MAPKAP1: variants seen among roughly 807,000 people sequenced by gnomAD.
MAPKAP1 encodes the protein MAPK associated protein 1, also known as target of rapamycin complex 2 subunit MAPKAP1.
MAPKAP1 carries 20 observed loss-of-function variants against 65.7 expected under a neutral mutation model. The observed-to-expected ratio is 0.30, with a 90% CI of 0.21 to 0.44. The LOEUF (loss-of-function observed/expected upper bound fraction) is 0.44. Among genes scored for constraint, MAPKAP1 ranks in the 20% least tolerant of loss-of-function variants. MAPKAP1 has a pLI of 1.00. For synonymous variants in MAPKAP1, 222 were observed against 244.3 expected, an observed-to-expected ratio of 0.91 and a Z score of 0.85; for missense variants, 423 against 648.0, an observed-to-expected ratio of 0.65 and a Z score of 3.77.
intron 4 of MAPKAP1, among the ~76,000 whole-genome samples, 178 bp from the exon 5 acceptor site, chr9:125,585,905 A>G (rs912711919): frequency 6.6e-6 from 1 of 152,112 alleles, no homozygotes; most frequent in African/African-American, 2.4e-5. Context: ...TTTTCCTTAA[A>G]TTTTCATTTT....
intron 5 of MAPKAP1, among the ~76,000 whole-genome samples, chr9:125,578,710 C>T (rs940961655): frequency 1.3e-5 from 2 of 152,134 alleles, no homozygotes; most frequent in Non-Finnish European, 2.9e-5. Flanking sequence ...ACACATGAAT[C>T]TTTATGTGAA....
intron 1 of MAPKAP1, among the ~76,000 whole-genome samples, chr9:125,685,420 C>G (rs1348397917): frequency 6.6e-6 from 1 of 152,136 alleles, no homozygotes. Context: ...CAAGGAGCAG[C>G]AAGGAGTCCG....
intron 9 of MAPKAP1, among the ~76,000 whole-genome samples, chr9:125,483,998 T>C (rs1564526960): frequency 6.6e-6 from 1 of 152,140 alleles, no homozygotes; most frequent in Non-Finnish European, 1.5e-5. Context: ...CAAATATGAG[T>C]TGAAAGTTCC....
In MAPKAP1 at chr9:125,693,512, C is replaced by T. The variant is rs147130948; in HGVS notation, c.-70+13459G>A. 4.9e-3 allele frequency among the ~76,000 whole-genome samples: 654 copies of T among 133,776 alleles called. 4 individuals carry two copies. Among genetic ancestry groups the T allele is most frequent in the African/African-American group, 0.01 (355 of 34,358 alleles). 87.8% of individuals were successfully genotyped at this position (133,776 alleles called of 152,430 possible). A position where few individuals can be genotyped will look rare whatever the true frequency, so the allele number is the denominator to read the frequency against. ...ATATATACACACATATATACACATA[C>T]ACACACATATATACACATATACACA... On this transcript the variant is annotated intron_variant, in intron 1 of 11. Coordinates refer to ENST00000265960, the MANE Select transcript of MAPKAP1 (RefSeq NM_001006617.3).
At chr9:125,634,258 A>C (rs1833364604) in intron 4 of MAPKAP1, among the ~76,000 whole-genome samples, 1 of 152,328 alleles carries the variant, frequency 6.6e-6, no homozygotes, top group African/African-American at 2.4e-5. Context: ...GGTTTGAGAA[A>C]ACAAGGCTTT....
At chr9:125,698,583 C>G (rs1256020416) in intron 1 of MAPKAP1, among the ~76,000 whole-genome samples, 1 of 151,620 alleles carries the variant, frequency 6.6e-6, no homozygotes, top group African/African-American at 2.4e-5. Context: ...CTCAGGTGAT[C>G]CACCTGCCTC....
At chr9:125,521,933 CA>C (rs1237362084) in intron 7 of MAPKAP1, among the ~76,000 whole-genome samples, 1 of 152,254 alleles carries the variant, frequency 6.6e-6, no homozygotes, top group African/African-American at 2.4e-5. Context: ...TGAAGACTTT[CA>C]TTCAAATCTG....
intron 9 of MAPKAP1, among the ~76,000 whole-genome samples, chr9:125,477,701 A>G (rs1022804666): frequency 7.9e-5 from 12 of 152,162 alleles, no homozygotes; most frequent in Admixed American, 5.2e-4. Flanking sequence ...TATTGATAAT[A>G]TACTGTGGGT....
At chr9:125,534,981 T>G (rs372691223) in intron 7 of MAPKAP1, among the ~76,000 whole-genome samples, 1 of 152,134 alleles carries the variant, frequency 6.6e-6, no homozygotes, top group East Asian at 1.9e-4. Context: ...TGCTTGAGAG[T>G]AGGAACGATT....
intron 7 of MAPKAP1, among the ~76,000 whole-genome samples, chr9:125,529,177 G>GAAAAAAA (rs764136309): frequency 1.0e-5 from 1 of 99,758 alleles, no homozygotes; most frequent in Non-Finnish European, 1.9e-5. Flanking sequence ...TCTATCTCAG[G>GAAAAAAA]AAAAAAAAAA....
At chr9:125,552,030 C>T (rs988615300) in intron 6 of MAPKAP1, among the ~76,000 whole-genome samples, 9 of 152,200 alleles carry the variant, frequency 5.9e-5, no homozygotes, top group African/African-American at 2.2e-4. Context: ...AAAACCTTCC[C>T]ATTCCTCCCA....
intron 7 of MAPKAP1, among the ~76,000 whole-genome samples, chr9:125,518,492 G>A (rs189375023): frequency 6.6e-6 from 1 of 151,946 alleles, no homozygotes; most frequent in African/African-American, 2.4e-5. Flanking sequence ...GTGAAACCTC[G>A]TCGCTACAAA....
intron 1 of MAPKAP1, among the ~76,000 whole-genome samples, chr9:125,701,475 TC>T (rs1239269372): frequency 2.0e-5 from 3 of 152,112 alleles, no homozygotes; most frequent in African/African-American, 7.2e-5. Flanking sequence ...AGGATGCAAA[TC>T]ACTCTCTAGT....
intron 7 of MAPKAP1, among the ~76,000 whole-genome samples, chr9:125,533,555 T>C (rs1424244024): frequency 1.3e-5 from 2 of 152,160 alleles, no homozygotes; most frequent in Admixed American, 6.5e-5. Flanking sequence ...GTTCAAGCGA[T>C]TCTCCCTGCC....
intron 4 of MAPKAP1, among the ~76,000 whole-genome samples, chr9:125,618,582 G>A (rs1832810311): frequency 6.6e-6 from 1 of 152,008 alleles, no homozygotes; most frequent in Non-Finnish European, 1.5e-5. Flanking sequence ...GTATTGTAAA[G>A]CACTAATTAT....
At chr9:125,564,697 T>G (rs1285933002) in intron 5 of MAPKAP1, among the ~76,000 whole-genome samples, 1 of 152,134 alleles carries the variant, frequency 6.6e-6, no homozygotes, top group African/African-American at 2.4e-5. Flanking sequence ...ATGATTGAAT[T>G]TATTGCACAG....
chr9:125,546,391 G>A (rs544669005), intron 6 of MAPKAP1, among the ~76,000 whole-genome samples: 2 of 152,274 alleles, frequency 1.3e-5, no homozygotes, highest in African/African-American at 2.4e-5. Context: ...CAGCGCTTTG[G>A]GGGGAGATGG....
intron 7 of MAPKAP1, among the ~76,000 whole-genome samples, chr9:125,513,733 T>C (rs1829377069): frequency 6.6e-6 from 1 of 152,308 alleles, no homozygotes. Context: ...GGTAGATCCC[T>C]AGCCTATGAG....
chr9:125,596,013 G>C, intron 4 of MAPKAP1: 1 of 1,507,198 alleles, frequency 6.6e-7, no homozygotes, highest in Admixed American at 1.7e-5. Flanking sequence ...AGAAGACACT[G>C]AAGAACATCA....
Sources: allele counts gnomAD v4.1 joint callset (sites outside exome capture counted in the v4.1 genomes callset), GRCh38; gene constraint gnomAD v4.1.1; transcripts MANE v1.5; gene names NCBI Gene and HGNC (gene_info 2026-07-23, HGNC 2026-07-21).